Variants in FAM227B observed in about 807,000 individuals in gnomAD.
FAM227B encodes protein FAM227B.
Under a neutral mutation model 73.8 loss-of-function variants are expected in FAM227B, and 88 were observed. That is an observed-to-expected ratio of 1.19 (90% CI 1.00 to 1.42). FAM227B has a LOEUF of 1.42. FAM227B is among the 40% of genes most tolerant of loss of function. The pLI is 0.00. For synonymous variants in FAM227B, 210 were observed against 190.5 expected (o/e 1.10, Z -0.84); for missense variants, 632 against 590.9 (o/e 1.07, Z -0.72).
At chr15:49,470,925 C>T (rs9972329) in intron 11 of FAM227B, among the ~76,000 whole-genome samples, 49,355 of 152,042 alleles carry the variant, frequency 0.32, 8,740 homozygotes, top group African/African-American at 0.45. Flanking sequence ...TGTAAGGACA[C>T]CAAGGGAACT....
chr15:49,369,168 A>C (rs1343137037), intron 12 of FAM227B, among the ~76,000 whole-genome samples: 1 of 152,016 alleles, frequency 6.6e-6, no homozygotes, highest in Non-Finnish European at 1.5e-5. Flanking sequence ...CGTGTTAGCC[A>C]GGATGGTTTT....
Position 49,608,446 on chromosome 15 carries a change from T to C in FAM227B, c.105+2769A>G, listed in dbSNP as rs540324001. On this transcript the variant is annotated intron_variant, in intron 3 of 15. Coordinates refer to ENST00000299338, the MANE Select transcript of FAM227B (RefSeq NM_152647.3). ...TTTTTTTATTGAATATATGGGTAAG[T>C]CTTCACCCATGTCCCAAAGCCCAAG... 3.3e-5 allele frequency among the ~76,000 whole-genome samples: 5 copies of C among 152,108 alleles called. No individual in the cohort carries two copies. In the East Asian group the frequency reaches 9.7e-4, roughly 29 times the overall value.
chr15:49,581,220 C>T (rs1325500784), intron 5 of FAM227B, among the ~76,000 whole-genome samples: 1 of 152,038 alleles, frequency 6.6e-6, no homozygotes, highest in East Asian at 1.9e-4. Flanking sequence ...TTAAATGTGG[C>T]TAGAGAGAAG....
chr15:49,481,314 G>A (rs2055923864), intron 11 of FAM227B, among the ~76,000 whole-genome samples: 1 of 152,196 alleles, frequency 6.6e-6, no homozygotes. Flanking sequence ...TTGCAAATAT[G>A]TTGAATCAAT....
At chr15:49,374,097 C>G (rs2046006964) in intron 11 of FAM227B, among the ~76,000 whole-genome samples, 1 of 152,068 alleles carries the variant, frequency 6.6e-6, no homozygotes, top group East Asian at 1.9e-4. Context: ...ATTAACCAAC[C>G]ACACCAGATA....
intron 11 of FAM227B, among the ~76,000 whole-genome samples, chr15:49,417,903 A>C (rs2049327617): frequency 1.3e-5 from 2 of 152,220 alleles, no homozygotes; most frequent in Admixed American, 6.5e-5. Context: ...AACAGGAGAA[A>C]ATTTTTGCAA....
chr15:49,409,025 C>T (rs570753051), intron 11 of FAM227B, among the ~76,000 whole-genome samples: 2 of 152,118 alleles, frequency 1.3e-5, no homozygotes, highest in East Asian at 3.9e-4. Flanking sequence ...TTTCTTGGTG[C>T]CTTCACTTTG....
chr15:49,402,811 G>T (rs1013108327), intron 11 of FAM227B, among the ~76,000 whole-genome samples: 2 of 152,116 alleles, frequency 1.3e-5, no homozygotes, highest in Non-Finnish European at 2.9e-5. Context: ...AGCTTCCAAT[G>T]CTATGTTGAA....
Position 49,493,888 on chromosome 15 carries a change from A to ATG in FAM227B, c.1012+14321_1012+14322dup, listed in dbSNP as rs1555506655. ...TATGTATGTGTATATATATATATAT[A>ATG]TGTGTGTGTGTGTATGTATGTGTGT... is the stretch of plus-strand genomic sequence containing the variant. On this transcript the variant is annotated intron_variant, in intron 11 of 15. Transcript: ENST00000299338. Among the ~76,000 whole-genome samples the ATG allele has an allele frequency of 3.8e-3, 565 of 148,902 alleles. 7 individuals are homozygous for ATG. Among genetic ancestry groups the ATG allele is most frequent in the South Asian group, 0.026 (124 of 4,720 alleles).
chr15:49,545,203 T>C (rs965874434), intron 9 of FAM227B, among the ~76,000 whole-genome samples: 1 of 152,194 alleles, frequency 6.6e-6, no homozygotes, highest in Non-Finnish European at 1.5e-5. Flanking sequence ...TCAGAGTTTC[T>C]ATTTCTTCCT....
intron 3 of FAM227B, among the ~76,000 whole-genome samples, chr15:49,608,419 A>T (rs1279761818): frequency 6.6e-6 from 1 of 151,872 alleles, no homozygotes; most frequent in Non-Finnish European, 1.5e-5. Context: ...TTAGAGAGGA[A>T]TTTTTTTTAT....
At chr15:49,577,513 C>T (rs773598752) in intron 6 of FAM227B, 116 bp downstream of exon 6, 4 of 591,834 alleles carry the variant, frequency 6.8e-6, no homozygotes, top group Admixed American at 7.0e-5. Context: ...GTTTCCAACT[C>T]TCTCCTCTGG....
intron 8 of FAM227B, among the ~76,000 whole-genome samples, chr15:49,574,396 G>A (rs1460510357): frequency 6.6e-6 from 1 of 152,130 alleles, no homozygotes; most frequent in Non-Finnish European, 1.5e-5. Context: ...AATCATGGGA[G>A]TGGTTTCCCC....
intron 11 of FAM227B, among the ~76,000 whole-genome samples, chr15:49,397,475 T>A (rs977116056): frequency 7.9e-5 from 12 of 151,860 alleles, no homozygotes; most frequent in Non-Finnish European, 7.4e-5. Context: ...AGGCCAACGT[T>A]CAGATTCAGG....
chr15:49,542,869 G>GTA (rs948342545), intron 9 of FAM227B, among the ~76,000 whole-genome samples: 69 of 151,240 alleles, frequency 4.6e-4, no homozygotes, highest in South Asian at 2.7e-3. Flanking sequence ...ATTTCTTTTT[G>GTA]TATATATATA....
intron 3 of FAM227B, among the ~76,000 whole-genome samples, chr15:49,606,725 C>T (rs2077544009): frequency 6.6e-6 from 1 of 152,204 alleles, no homozygotes; most frequent in Admixed American, 6.5e-5. Flanking sequence ...TCTGGGCCAC[C>T]AAGCAAACCC....
At position 49,581,786 on chromosome 15, in the gene FAM227B, C is replaced by T. The variant is rs79147241; in HGVS notation, c.406-4122G>A. On this transcript the variant is annotated intron_variant, in intron 5 of 15. Coordinates refer to ENST00000299338, the MANE Select transcript of FAM227B (RefSeq NM_152647.3). ...GAGGTCCTTCAGGGAGTGCTAAATA[C>T]GGAAATCAAAGACCGTTACTAGCCA... is the stretch of plus-strand genomic sequence containing the variant. Among the ~76,000 whole-genome samples, 873 of 152,176 alleles carry T rather than the reference C, an allele frequency of 5.7e-3. 10 individuals are homozygous for T. Among genetic ancestry groups the T allele is most frequent in the African/African-American group, 0.02 (834 of 41,522 alleles).
At chr15:49,479,599 GTTTTTTTTTTTT>G (rs56097665) in intron 11 of FAM227B, among the ~76,000 whole-genome samples, 1 of 63,292 alleles carries the variant, frequency 1.6e-5, no homozygotes, top group African/African-American at 6.3e-5. Context: ...TAATACCTCT[GTTTTTTTTTTTT>G]TTTTTTTTTT....
At chr15:49,351,344 G>T (rs1596393573) in intron 13 of FAM227B, among the ~76,000 whole-genome samples, 1 of 152,156 alleles carries the variant, frequency 6.6e-6, no homozygotes, top group East Asian at 1.9e-4. Flanking sequence ...TTTCCTGGAA[G>T]ATACGGAAAG....
Sources: allele counts gnomAD v4.1 joint callset (sites outside exome capture counted in the v4.1 genomes callset), GRCh38; gene constraint gnomAD v4.1.1; transcripts MANE v1.5; gene names NCBI Gene and HGNC (gene_info 2026-07-23, HGNC 2026-07-21).